Variants in CSMD1 observed in about 807,000 individuals in gnomAD.
The protein encoded by CSMD1 is CUB and sushi domain-containing protein 1.
A neutral mutation model predicts 417.5 loss-of-function variants in CSMD1; 213 were observed. The observed-to-expected ratio is 0.51, with a 90% CI of 0.46 to 0.57. CSMD1 has a LOEUF of 0.57. CSMD1 is among the 20% of genes least tolerant of loss of function. The probability of loss-of-function intolerance (pLI) is 0.00; values close to 1 mark genes in which losing one functional copy is unlikely to be tolerated. For missense variants in CSMD1, 6,923 were observed against 4,529.7 expected, an observed-to-expected ratio of 1.53 and a Z score of -15.17; for synonymous variants, 2,862 against 1,736.8, an observed-to-expected ratio of 1.65 and a Z score of -16.11.
chr8:2,948,943 G>T (rs556606947), intron 68 of CSMD1, among the ~76,000 whole-genome samples: 2 of 149,922 alleles, frequency 1.3e-5, no homozygotes, highest in Non-Finnish European at 3.0e-5. Context: ...TTATATGTTT[G>T]TTGGCCACTT....
chr8:3,127,177 G>A (rs1180963452), intron 41 of CSMD1, among the ~76,000 whole-genome samples: 1 of 152,130 alleles, frequency 6.6e-6, no homozygotes, highest in East Asian at 1.9e-4. Context: ...TGCCCTAGCG[G>A]GGATGGGGAT....
At chr8:3,465,525 G>A (rs894945820) in intron 12 of CSMD1, among the ~76,000 whole-genome samples, 1 of 152,136 alleles carries the variant, frequency 6.6e-6, no homozygotes, top group Non-Finnish European at 1.5e-5. Flanking sequence ...GGGGTGCCAG[G>A]AAAGCATCCT....
intron 3 of CSMD1, among the ~76,000 whole-genome samples, chr8:4,403,127 G>T (rs560640605): frequency 6.6e-6 from 1 of 151,886 alleles, no homozygotes; most frequent in Non-Finnish European, 1.5e-5. Context: ...CACTGCCCCC[G>T]GCCAAAATGT....
chr8:4,671,286 G>A (rs941828990), intron 1 of CSMD1, among the ~76,000 whole-genome samples: 1 of 152,094 alleles, frequency 6.6e-6, no homozygotes, highest in East Asian at 1.9e-4. Flanking sequence ...TACTGAATGG[G>A]CCCTAGGGAA....
intron 5 of CSMD1, among the ~76,000 whole-genome samples, chr8:3,994,869 G>C (rs1047362328): frequency 6.6e-6 from 1 of 152,124 alleles, no homozygotes; most frequent in Admixed American, 6.6e-5. Flanking sequence ...AGCTTCTTCT[G>C]AGAGTGCCCT....
At chr8:4,428,078 A>G (rs1016005977) in intron 2 of CSMD1, among the ~76,000 whole-genome samples, 2 of 152,144 alleles carry the variant, frequency 1.3e-5, no homozygotes, top group Non-Finnish European at 2.9e-5. Flanking sequence ...TCGTTTTCAT[A>G]TCAGACAATA....
At chr8:3,630,343 T>C (rs958840796) in intron 7 of CSMD1, among the ~76,000 whole-genome samples, 2 of 152,116 alleles carry the variant, frequency 1.3e-5, no homozygotes, top group African/African-American at 4.8e-5. Context: ...AAAAACCCTC[T>C]TGCCCAGTAA....
rs189677026 is a variant in CSMD1 at position 3,545,966 on chromosome 8, C to T, written c.1344+28979G>A. 5.4e-3 allele frequency among the ~76,000 whole-genome samples: 815 copies of T among 152,250 alleles called. 2 individuals carry two copies. The highest frequency in any genetic ancestry group is 9.3e-3 in the Non-Finnish European group (631 of 68,024). ...TGGGAGAAACTGGAAAGGTTTAGCTCCTAAGCCAAACAATTAGTCAACATA... is the reference window on the plus strand; with the variant it reads ...TGGGAGAAACTGGAAAGGTTTAGCTTCTAAGCCAAACAATTAGTCAACATA... On this transcript the variant is annotated intron_variant, in intron 10 of 69. Coordinates refer to ENST00000635120, the MANE Select transcript of CSMD1 (RefSeq NM_033225.6).
intron 3 of CSMD1, among the ~76,000 whole-genome samples, chr8:4,352,847 CT>C (rs1479721199): frequency 2.0e-5 from 3 of 152,100 alleles, no homozygotes; most frequent in Non-Finnish European, 4.4e-5. Context: ...AAGATTGGAC[CT>C]GTTTCTCTTT....
intron 6 of CSMD1, among the ~76,000 whole-genome samples, chr8:3,747,546 T>C (rs1236181576): frequency 6.6e-6 from 1 of 152,216 alleles, no homozygotes; most frequent in African/African-American, 2.4e-5. Context: ...TCCATGTCGT[T>C]ACATGTAGAG....
At chr8:4,177,569 T>C (rs186792150) in intron 3 of CSMD1, among the ~76,000 whole-genome samples, 303 of 151,294 alleles carry the variant, frequency 2.0e-3, no homozygotes, top group Non-Finnish European at 3.5e-3. Context: ...AGGCAAGAAA[T>C]AACTAAAATC....
At chr8:3,715,457 C>A (rs1289479333) in intron 6 of CSMD1, among the ~76,000 whole-genome samples, 1 of 152,102 alleles carries the variant, frequency 6.6e-6, no homozygotes, top group East Asian at 1.9e-4. Flanking sequence ...ATCATTTTTT[C>A]TTTTCTGCAT....
chr8:4,126,455 G>T lies in CSMD1; in HGVS notation c.416-94356C>A, dbSNP rs549094127. Among the ~76,000 whole-genome samples, 3 of 152,244 alleles carry T rather than the reference G, an allele frequency of 2.0e-5. No individual in the cohort carries two copies. The South Asian group carries it at 6.2e-4, about 32-fold the overall frequency. On this transcript the variant is annotated intron_variant, in intron 3 of 69. Transcript: ENST00000635120. ...AGACACAAACCAACATAGTAACATA[G>T]ATTTCACTTGCTTAACCTGTGCACC...
At chr8:4,087,899 G>GA (rs1196474776) in intron 3 of CSMD1, among the ~76,000 whole-genome samples, 1 of 151,994 alleles carries the variant, frequency 6.6e-6, no homozygotes, top group African/African-American at 2.4e-5. Flanking sequence ...CTCATCTTTA[G>GA]AAAAAAGGAT....
intron 3 of CSMD1, among the ~76,000 whole-genome samples, chr8:4,306,625 T>C (rs62478629): frequency 0.067 from 10,207 of 152,182 alleles, 454 homozygotes; most frequent in Non-Finnish European, 0.095. Context: ...TTCAATCTCA[T>C]TCACACATCT....
At chr8:3,609,169 C>T (rs971827542) in intron 8 of CSMD1, among the ~76,000 whole-genome samples, 4 of 152,160 alleles carry the variant, frequency 2.6e-5, no homozygotes, top group Non-Finnish European at 4.4e-5. Flanking sequence ...AATTTCAACG[C>T]TTCTACTTAT....
At chr8:4,539,539 A>C (rs572685081) in intron 2 of CSMD1, among the ~76,000 whole-genome samples, 1 of 152,346 alleles carries the variant, frequency 6.6e-6, no homozygotes, top group East Asian at 1.9e-4. Context: ...ATGAGTTAAC[A>C]TATTTAGCAA....
chr8:4,250,343 G>A (rs1052875808), intron 3 of CSMD1, among the ~76,000 whole-genome samples: 48 of 152,176 alleles, frequency 3.2e-4, no homozygotes, highest in Admixed American at 3.0e-3. Context: ...TATGAAGACA[G>A]AATGTGTGTC....
intron 7 of CSMD1, among the ~76,000 whole-genome samples, chr8:3,641,224 G>C (rs1450447835): frequency 6.6e-6 from 1 of 151,870 alleles, no homozygotes; most frequent in East Asian, 1.9e-4. Flanking sequence ...CTTTCCACTT[G>C]GCTGCTTCTC....
Sources: allele counts gnomAD v4.1 joint callset (sites outside exome capture counted in the v4.1 genomes callset), GRCh38; gene constraint gnomAD v4.1.1; transcripts MANE v1.5; gene names NCBI Gene and HGNC (gene_info 2026-07-23, HGNC 2026-07-21).